The following NXF1 variants were observed in gnomAD, a reference collection of about 807,000 sequenced individuals.
NXF1 encodes the protein mRNA export factor TAP.
A neutral mutation model predicts 92.4 loss-of-function variants in NXF1; 43 were observed. The ratio of observed to expected loss-of-function variants is 0.47; its 90% CI spans 0.36 to 0.60. The LOEUF (loss-of-function observed/expected upper bound fraction) is 0.60. NXF1 is among the 20% of genes least tolerant of loss of function. NXF1 has a pLI of 0.00. For missense variants in NXF1, 576 were observed against 793.0 expected (o/e 0.73, Z 3.29); for synonymous variants, 288 against 292.2 (o/e 0.99, Z 0.15).
At chr11:62,793,893 C>T (rs184478520) in intron 19 of NXF1, among the ~76,000 whole-genome samples, 209 of 149,326 alleles carry the variant, frequency 1.4e-3, no homozygotes, top group African/African-American at 4.3e-3. Flanking sequence ...CCCAGCTACT[C>T]GGGAGGCTGA....
chr11:62,799,993 A>C (rs1202575829), intron 10 of NXF1: 2 of 1,008,616 alleles, frequency 2.0e-6, no homozygotes, highest in Admixed American at 5.6e-5. Context: ...GGGCTTCCTC[A>C]ACCCATGGAC....
intron 8 of NXF1, 54 bp from the exon 9 acceptor site, chr11:62,801,255 G>T: frequency 6.2e-7 from 1 of 1,602,248 alleles, no homozygotes; most frequent in South Asian, 1.1e-5. Context: ...GATCAGAGAC[G>T]AATCTGCCCT....
chr11:62,805,322 C>T lies in NXF1; in HGVS notation c.28+7G>A. ...AGCCAGTTCCCGACCCGAAGACCAG[C>T]ACTTACCGCTGTACGACTTCCCCTC... On this transcript the variant is annotated splice_region_variant and intron_variant, in intron 1 of 20. Transcript: ENST00000294172. 1.2e-6 allele frequency: 2 copies of T among 1,609,612 alleles called. No individual in the cohort carries two copies. The highest frequency in any genetic ancestry group is 1.7e-5 in the Admixed American group (1 of 59,446).
At position 62,799,285 on chromosome 11, in the gene NXF1, T is replaced by G. The variant is rs572823445; in HGVS notation, c.1017-710A>C. On this transcript the variant is annotated intron_variant, in intron 10 of 20. Transcript: ENST00000294172. ...TCTTTCAGCTGCCCCATCCCTGTGG[T>G]CCAAGGTAGAAATGAGAAACAAATC... 162 of 985,626 alleles carry G rather than the reference T, an allele frequency of 1.6e-4. No homozygotes were observed. In the African/African-American group the frequency reaches 2.7e-3, roughly 16 times the overall value. 61.1% of individuals were successfully genotyped at this position (985,626 alleles called of 1,614,324 possible). A position where few individuals can be genotyped will look rare whatever the true frequency, so the allele number is the denominator to read the frequency against.
chr11:62,805,296 T>A (rs1322319735), intron 1 of NXF1, 33 bp downstream of exon 1: 1 of 1,590,050 alleles, frequency 6.3e-7, no homozygotes, highest in Non-Finnish European at 8.6e-7. Context: ...GCGCCCCAGA[T>A]AGCCAGTTCC....
Position 62,794,325 on chromosome 11 carries a change from G to T in NXF1, c.1693C>A (p.Pro565Thr). 6.2e-7 allele frequency: 1 copy of T among 1,614,180 alleles called. No homozygotes were observed. Among genetic ancestry groups the T allele is most frequent in the Non-Finnish European group, 8.5e-7 (1 of 1,180,032 alleles). Residue 565 changes from proline to threonine, a missense_variant, in exon 19 of 21, where the codon CCA (proline) becomes ACA (threonine). Coordinates refer to ENST00000294172, the MANE Select transcript of NXF1 (RefSeq NM_006362.5). ...GCTTGCAACATTTCCTGCTGCTCTG[G>T]AGAGAGGGTGGGCACCGGGCTGGAG... is the stretch of plus-strand genomic sequence containing the variant. ...PSSSPVPTLS[P>T]EQQEMLQAFS...
At chr11:62,804,038 A>T (rs952627617) in intron 1 of NXF1, 60 bp from the exon 2 acceptor site, 59 of 1,600,622 alleles carry the variant, frequency 3.7e-5, no homozygotes, top group Non-Finnish European at 4.9e-5. Flanking sequence ...TTGGTGTGGC[A>T]ATCATAGCTT....
chr11:62,794,986 G>T lies in NXF1; in HGVS notation c.1526C>A (p.Ser509Tyr). Residue 509 changes from serine (S) to tyrosine (Y), a missense_variant, in exon 18 of 21, where the codon TCT (serine) becomes TAT (tyrosine). Transcript: ENST00000294172. Reference protein sequence around the residue: ...FKEVDGKSRDSLRAFTRTFIA... With the variant: ...FKEVDGKSRDYLRAFTRTFIA... ...GAATGTCCGGGTGAAGGCTCGCAAA[G>T]AATCCCGGGACTTTCCGTCCACTGC... The T allele has an allele frequency of 3.1e-6, 5 of 1,614,218 alleles. No individual in the cohort carries two copies. The highest frequency in any genetic ancestry group is 4.2e-6 in the Non-Finnish European group (5 of 1,180,020).
Position 62,803,416 on chromosome 11 carries a change from C to A in NXF1, c.369+3G>T. 1 of 1,613,378 alleles carries A rather than the reference C, an allele frequency of 6.2e-7. No individual in the cohort carries two copies. The highest frequency in any genetic ancestry group is 1.1e-5 in the South Asian group (1 of 91,040). Reference sequence around the variant, plus strand: ...GTACCATCTACTTTCTCAAAGTACTCACTGTAATCTTGAACCAGTTCTTTG... The same window carrying A: ...GTACCATCTACTTTCTCAAAGTACTAACTGTAATCTTGAACCAGTTCTTTG... On this transcript the variant is annotated splice_donor_region_variant and intron_variant, in intron 3 of 20. Coordinates refer to ENST00000294172, the MANE Select transcript of NXF1 (RefSeq NM_006362.5).
At chr11:62,800,122 G>A in intron 10 of NXF1, 1 of 1,345,492 alleles carries the variant, frequency 7.4e-7, no homozygotes, top group Non-Finnish European at 9.6e-7. Context: ...TCTAGAAAAG[G>A]TTGTGTTCAG....
rs2084466628 is a variant in NXF1 at position 62,800,436 on chromosome 11, C to G, written c.957G>C (p.Glu319Asp). 6.2e-6 allele frequency: 10 copies of G among 1,613,938 alleles called. No homozygotes were observed. The highest frequency in any genetic ancestry group is 1.7e-5 in the Admixed American group (1 of 59,980). The change falls in exon 10 of 21, where the codon GAG becomes GAC. Residue 319 changes from glutamate to aspartate, a missense_variant. Coordinates refer to ENST00000294172, the MANE Select transcript of NXF1 (RefSeq NM_006362.5). ...ACAGGGAGTTTCCATCGAGCCAGAG[C>G]TCTTCTAGCTTCAGCCCCTTTATCT... The part of the protein sequence containing the change: ...LDKIKGLKLE[E>D]LWLDGNSLCD...
intron 17 of NXF1, 158 bp from the exon 18 acceptor site, chr11:62,795,165 T>C (rs2084407289): frequency 1.5e-6 from 1 of 653,152 alleles, no homozygotes. Context: ...GGGTGAAGGG[T>C]CAGGTCAGAA....
Position 62,794,387 on chromosome 11 carries a change from A to T in NXF1, c.1631T>A (p.Ile544Asn), listed in dbSNP as rs1388904834. 1.2e-6 allele frequency: 2 copies of T among 1,614,166 alleles called. No individual in the cohort carries two copies. Among genetic ancestry groups the T allele is most frequent in the South Asian group, 2.2e-5 (2 of 91,090 alleles). The change falls in exon 19 of 21, where the codon ATC (isoleucine) becomes AAC (asparagine). Residue 544 changes from isoleucine to asparagine, a missense_variant. By Grantham distance (149) the Ile-to-Asn change is moderately radical. Around this residue, in one of 2 missense-constraint regions of NXF1, gnomAD observed 425 missense variants for 635.2 expected, o/e 0.67. Coordinates refer to ENST00000294172, the MANE Select transcript of NXF1 (RefSeq NM_006362.5). ...TGCAGGCATAGCGAAGGCTCTTTGG[A>T]TCTCTTCAGAACTGGCATTCCGCAC... ...LFVRNASSEE[I>N]QRAFAMPAPT... is the part of the protein sequence containing the mutation.
chr11:62,796,333 G>T lies in NXF1; in HGVS notation c.1299C>A (p.Ala433=). 6.2e-7 allele frequency: 1 copy of T among 1,614,050 alleles called. No individual in the cohort carries two copies. ...CATTTCTGCTATCCTTGAAATACTC[G>T]GCTAAGCTGCTTCTGGGGGAATAAA... is the stretch of plus-strand genomic sequence containing the variant. ...IPQNPARSSL[A]EYFKDSRNVK... Residue 433 remains alanine (A), a synonymous_variant, in exon 15 of 21, where the codon GCC becomes GCA. Transcript: ENST00000294172.
Position 62,802,020 on chromosome 11 carries a change from C to G in NXF1, c.480G>C (p.Gln160His), listed in dbSNP as rs368493809. 5.0e-6 allele frequency: 8 copies of G among 1,614,226 alleles called. No individual in the cohort carries two copies. Among genetic ancestry groups the G allele is most frequent in the Non-Finnish European group, 6.8e-6 (8 of 1,180,036 alleles). Residue 160 changes from glutamine (Q) to histidine (H), a missense_variant, in exon 5 of 21, where the codon CAG (glutamine) becomes CAC (histidine). Coordinates refer to ENST00000294172, the MANE Select transcript of NXF1 (RefSeq NM_006362.5). ...CAGTACTGGCGTCTTCAACGAAGAACTGGGCCCGTGTATTCTCATAGTGAA... is the reference window on the plus strand; with the variant it reads ...CAGTACTGGCGTCTTCAACGAAGAAGTGGGCCCGTGTATTCTCATAGTGAA... ...IEFHYENTRAQFFVEDASTAS... is the reference protein window; with the variant it reads ...IEFHYENTRAHFFVEDASTAS...
At chr11:62,797,989 C>T (rs527451238) in intron 11 of NXF1, among the ~76,000 whole-genome samples, 10 of 151,990 alleles carry the variant, frequency 6.6e-5, no homozygotes, top group Admixed American at 6.6e-5. Flanking sequence ...AGAAATTAGC[C>T]GGGCATTGTG....
intron 11 of NXF1, 144 bp downstream of exon 11, chr11:62,798,395 T>C: frequency 8.1e-7 from 1 of 1,230,916 alleles, no homozygotes; most frequent in Non-Finnish European, 1.1e-6. Context: ...AATCATGCTG[T>C]TGCACTCCAG....
At chr11:62,802,093 G>A in intron 4 of NXF1, 47 bp from the exon 5 acceptor site, 4 of 1,606,268 alleles carry the variant, frequency 2.5e-6, no homozygotes, top group Non-Finnish European at 3.4e-6. Flanking sequence ...AGAGCCCTTG[G>A]GGAGGGGCAT....
chr11:62,797,832 T>C (rs2084437033), intron 11 of NXF1, among the ~76,000 whole-genome samples: 1 of 151,628 alleles, frequency 6.6e-6, no homozygotes, highest in African/African-American at 2.4e-5. Flanking sequence ...TCATGAAAAG[T>C]ATCCAGGGAT....
Sources: gnomAD v4.1 joint callset for allele counts (sites outside exome capture counted in the v4.1 genomes callset) on GRCh38, gnomAD v4.1.1 for gene constraint, gnomAD v4.1.1 regional missense constraint, MANE v1.5 for transcripts, NCBI Gene and HGNC (gene_info 2026-07-23, HGNC 2026-07-21) for gene names.